CLDN19: variants seen among roughly 807,000 people sequenced by gnomAD.
CLDN19 encodes the protein claudin-19.
In CLDN19, 19 loss-of-function variants were observed where a neutral mutation model predicts 24.5. The observed-to-expected ratio is 0.78, with a 90% CI of 0.54 to 1.14. The LOEUF is 1.14. Ranked by LOEUF, CLDN19 falls within the 50% of genes most tolerant of loss-of-function variation. The probability of loss-of-function intolerance (pLI) is 0.00; values close to 1 mark genes in which losing one functional copy is unlikely to be tolerated. For missense variants in CLDN19, 250 were observed against 295.9 expected (o/e 0.84, Z 1.14); for synonymous variants, 117 against 129.6 (o/e 0.90, Z 0.66).
At chr1:42,738,910 G>A (rs1454770986) in intron 1 of CLDN19, among the ~76,000 whole-genome samples, 1 of 152,166 alleles carries the variant, frequency 6.6e-6, no homozygotes, top group East Asian at 1.9e-4. Flanking sequence ...GCAGCTGAGG[G>A]CAGCTCCAGG....
chr1:42,738,897 C>G (rs927351450), intron 1 of CLDN19, among the ~76,000 whole-genome samples: 3 of 152,152 alleles, frequency 2.0e-5, no homozygotes. Context: ...CCCATCCTCC[C>G]AAGCAGCTGA....
At position 42,733,663 on chromosome 1, in the gene CLDN19, G is replaced by A. The variant is rs1009910087; in HGVS notation, c.*1423C>T. On this transcript the variant is annotated 3_prime_UTR_variant, in exon 5 of 5. Coordinates refer to ENST00000296387, the MANE Select transcript of CLDN19 (RefSeq NM_148960.3). ...ACTCCTGCAGTTCTCATTCATTAGA[G>A]GGGCAGGACTCTGGGGAACCTATTT... 1 of 152,246 alleles carries A rather than the reference G, an allele frequency of 6.6e-6. No homozygotes were observed. The highest frequency in any genetic ancestry group is 2.4e-5 in the African/African-American group (1 of 41,452). 9.4% of individuals were successfully genotyped at this position (152,246 alleles called of 1,614,324 possible). A position where few individuals can be genotyped will look rare whatever the true frequency, so the allele number is the denominator to read the frequency against.
rs1227401183 is a variant in CLDN19 at position 42,733,969 on chromosome 1, G to A, written c.*1117C>T. ...ACGTGGTGGGAGATGTGGTCACAAG[G>A]CAGGTGGTGGAGGAGGCCAGAATGG... On this transcript the variant is annotated 3_prime_UTR_variant, in exon 5 of 5. Coordinates refer to ENST00000296387, the MANE Select transcript of CLDN19 (RefSeq NM_148960.3). 1.3e-5 allele frequency: 2 copies of A among 152,562 alleles called. No homozygotes were observed. Among genetic ancestry groups the A allele is most frequent in the South Asian group, 2.1e-4 (1 of 4,842 alleles). 9.5% of individuals were successfully genotyped at this position (152,562 alleles called of 1,614,324 possible).
In CLDN19 at chr1:42,733,796, C is replaced by G. The variant is rs965993611; in HGVS notation, c.*1290G>C. On this transcript the variant is annotated 3_prime_UTR_variant, in exon 5 of 5. Transcript: ENST00000296387. ...AGGCGCCGAGGGGTCAGTCCCCCAG[C>G]AGCTCCCTGCCATTTGTGTCATTCC... 1 of 152,868 alleles carries G rather than the reference C, an allele frequency of 6.5e-6. No homozygotes were observed. The highest frequency in any genetic ancestry group is 1.5e-5 in the Non-Finnish European group (1 of 68,602). 9.5% of individuals were successfully genotyped at this position (152,868 alleles called of 1,614,324 possible).
At chr1:42,739,754 G>T in intron 1 of CLDN19, 87 bp downstream of exon 1, 1 of 1,099,872 alleles carries the variant, frequency 9.1e-7, no homozygotes, top group Non-Finnish European at 1.3e-6. Context: ...GGAGCCCAGC[G>T]CAGATAGCAG....
chr1:42,738,745 A>G (rs1395713252), intron 1 of CLDN19, among the ~76,000 whole-genome samples, 160 bp from the exon 2 acceptor site: 1 of 151,914 alleles, frequency 6.6e-6, no homozygotes, highest in Non-Finnish European at 1.5e-5. Context: ...GAGGAGTGAC[A>G]GCCCGGGCAT....
intron 3 of CLDN19, 75 bp from the exon 4 acceptor site, chr1:42,736,105 G>C: frequency 1.0e-6 from 1 of 953,634 alleles, no homozygotes. Context: ...CCTGGCAGAG[G>C]AAGGGCAGAG....
In CLDN19 at chr1:42,739,834, G is replaced by A. The variant is rs1651490870; in HGVS notation, c.223+7C>T. The A allele has an allele frequency of 6.2e-7, 1 of 1,611,924 alleles. No homozygotes were observed. The highest frequency in any genetic ancestry group is 1.1e-5 in the South Asian group (1 of 90,896). On this transcript the variant is annotated splice_region_variant and intron_variant, in intron 1 of 4. Coordinates refer to ENST00000296387, the MANE Select transcript of CLDN19 (RefSeq NM_148960.3). ...CCCATCTCCCACCCCGCCGGCCTGG[G>A]GCCTACCGTCCAGGGCGAGCAGCGA...
rs538666680 is a variant in CLDN19, at chr1:42,738,547, C to T, written c.262G>A (p.Val88Met). Residue 88 changes from valine to methionine, a missense_variant, in exon 2 of 5, where the codon GTG becomes ATG. Physicochemically the swap from Val to Met is conservative, Grantham distance 21. Coordinates refer to ENST00000296387, the MANE Select transcript of CLDN19 (RefSeq NM_148960.3). ...ACCATGGCCACGAAGCCCAGGAGCA[C>T]GGCCACCACCATCAGGGCCCGCGCT... The part of the protein sequence containing the change: ...QSARALMVVA[V>M]LLGFVAMVLS... The T allele has an allele frequency of 1.3e-5, 21 of 1,613,890 alleles. No individual in the cohort carries two copies. The highest frequency in any genetic ancestry group is 1.6e-4 in the Middle Eastern group (1 of 6,062).
rs1451809122 is a variant in CLDN19, at chr1:42,733,407, C to T, written c.*1679G>A. On this transcript the variant is annotated 3_prime_UTR_variant, in exon 5 of 5. Coordinates refer to ENST00000296387, the MANE Select transcript of CLDN19 (RefSeq NM_148960.3). The stretch of plus-strand genomic sequence containing the variant: ...TTCCCTTGTGGGTTCTTTTCTCCCT[C>T]TGCAGACCTCACAGAGTCACCTGGG... 3 of 152,600 alleles carry T rather than the reference C, an allele frequency of 2.0e-5. No individual in the cohort carries two copies. The highest frequency in any genetic ancestry group is 4.4e-5 in the Non-Finnish European group (3 of 68,368). 9.5% of individuals were successfully genotyped at this position (152,600 alleles called of 1,614,324 possible). A position where few individuals can be genotyped will look rare whatever the true frequency, so the allele number is the denominator to read the frequency against.
At position 42,738,354 on chromosome 1, in the gene CLDN19, C is replaced by T. The variant is rs369126126; in HGVS notation, c.389-41G>A. The T allele has an allele frequency of 6.0e-5, 96 of 1,612,926 alleles. No individual in the cohort carries two copies. In the Middle Eastern group the frequency reaches 9.9e-4, roughly 17 times the overall value. ...AGGGGCGCTCAGCTCTGCTCTGGCCCCCCGAGGCCACTGGGGCTGGGGCTG... is the reference window on the plus strand; with the variant it reads ...AGGGGCGCTCAGCTCTGCTCTGGCCTCCCGAGGCCACTGGGGCTGGGGCTG... On this transcript the variant is annotated intron_variant, in intron 2 of 4. Transcript: ENST00000296387.
At chr1:42,735,605 A>T in intron 4 of CLDN19, 1 of 1,425,650 alleles carries the variant, frequency 7.0e-7, no homozygotes, top group Non-Finnish European at 9.1e-7. Flanking sequence ...CCAGGGATGC[A>T]TGCTGGTGCC....
intron 3 of CLDN19, among the ~76,000 whole-genome samples, chr1:42,737,687 C>T (rs150722951): frequency 3.9e-5 from 6 of 152,136 alleles, no homozygotes; most frequent in Non-Finnish European, 8.8e-5. Flanking sequence ...ATTGATTGAT[C>T]GTTTGATTTT....
intron 3 of CLDN19, among the ~76,000 whole-genome samples, chr1:42,736,472 A>T (rs1570443296): frequency 6.6e-6 from 1 of 151,646 alleles, no homozygotes; most frequent in East Asian, 2.0e-4. Flanking sequence ...TCCACCTGGC[A>T]CTCTGGGCTC....
chr1:42,735,257 G>A lies in CLDN19; in HGVS notation c.627-123C>T, dbSNP rs751482708. On this transcript the variant is annotated intron_variant, in intron 4 of 4. Coordinates refer to ENST00000296387, the MANE Select transcript of CLDN19 (RefSeq NM_148960.3). The stretch of plus-strand genomic sequence containing the variant: ...TGGCCAGACCTTGGCCCTCACAGCA[G>A]CCCTGCCTGGGGCCCATTCCCGGGG... The A allele has an allele frequency of 9.9e-5, 153 of 1,552,344 alleles. 1 individual carries two copies. The highest frequency in any genetic ancestry group is 1.3e-4 in the Non-Finnish European group (152 of 1,147,692).
At position 42,738,532 on chromosome 1, in the gene CLDN19, C is replaced by T. The variant is rs34374110; in HGVS notation, c.277G>A (p.Val93Met). ...LMVVAVLLGFVAMVLSVVGMK... is the reference protein window; with the variant it reads ...LMVVAVLLGFMAMVLSVVGMK... ...CCAACTACGCTGAGGACCATGGCCACGAAGCCCAGGAGCACGGCCACCACC... is the reference window on the plus strand; with the variant it reads ...CCAACTACGCTGAGGACCATGGCCATGAAGCCCAGGAGCACGGCCACCACC... The change falls in exon 2 of 5, where the codon GTG becomes ATG. Residue 93 changes from valine (V) to methionine (M), a missense_variant. Val to Met is a conservative substitution (Grantham distance 21). Transcript: ENST00000296387. The T allele has an allele frequency of 1.2e-4, 196 of 1,613,964 alleles. No homozygotes were observed. In the African/African-American group the frequency reaches 2.2e-3, roughly 18 times the overall value.
chr1:42,736,753 C>T (rs1651386669), intron 3 of CLDN19, among the ~76,000 whole-genome samples: 1 of 152,246 alleles, frequency 6.6e-6, no homozygotes, highest in African/African-American at 2.4e-5. Flanking sequence ...TTGTCCGGCT[C>T]CCTGGGAAGC....
Position 42,735,073 on chromosome 1 carries a change from T to G in CLDN19, c.*13A>C. On this transcript the variant is annotated 3_prime_UTR_variant, in exon 5 of 5. Transcript: ENST00000296387. ...GGTATGGCAGGGGACAGAGCCTGGC[T>G]GGGGACTGGACATTACACACCCAGG... 3 of 1,594,594 alleles carry G rather than the reference T, an allele frequency of 1.9e-6. No individual in the cohort carries two copies. Among genetic ancestry groups the G allele is most frequent in the Non-Finnish European group, 2.6e-6 (3 of 1,162,534 alleles).
chr1:42,735,580 C>T lies in CLDN19; in HGVS notation c.626+298G>A, dbSNP rs1651333329. 2.1e-6 allele frequency: 3 copies of T among 1,422,158 alleles called. No individual in the cohort carries two copies. In the African/African-American group the frequency reaches 4.3e-5, roughly 20 times the overall value. The allele number at this position is 1,422,158 out of a possible 1,614,324, so 88.1% of individuals were successfully genotyped here. ...CAGTGAGTAAACAGCCGGGCTGGTG[C>T]CTGAGGGCCTGTCTCCAGGGATGCA... On this transcript the variant is annotated intron_variant, in intron 4 of 4. Coordinates refer to ENST00000296387, the MANE Select transcript of CLDN19 (RefSeq NM_148960.3).
Sources: allele counts gnomAD v4.1 joint callset (sites outside exome capture counted in the v4.1 genomes callset), GRCh38; gene constraint gnomAD v4.1.1; transcripts MANE v1.5; gene names NCBI Gene and HGNC (gene_info 2026-07-23, HGNC 2026-07-21).